GKAP1: variants seen among roughly 807,000 people sequenced by gnomAD.
GKAP1 encodes the protein G kinase anchoring protein 1.
GKAP1 carries 31 observed loss-of-function variants against 56.7 expected under a neutral mutation model. The observed-to-expected ratio is 0.55, with a 90% CI of 0.41 to 0.74. The LOEUF (loss-of-function observed/expected upper bound fraction) is 0.74, where lower values mean the gene tolerates loss of function less well. GKAP1 is among the 30% of genes least tolerant of loss of function. GKAP1 has a pLI of 0.00. For synonymous variants in GKAP1, 151 were observed against 138.6 expected, an observed-to-expected ratio of 1.09 and a Z score of -0.63; for missense variants, 364 against 402.3, an observed-to-expected ratio of 0.90 and a Z score of 0.82.
Position 83,774,701 on chromosome 9 carries a change from C to CTTTTTTTTTTTTTTTTTTTT in GKAP1, c.585+5680_585+5681insAAAAAAAAAAAAAAAAAAAA, listed in dbSNP as rs1564199151. ...AGAAACTATCAATAAACAGAAACCC[C>CTTTTTTTTTTTTTTTTTTTT]CTTTTTTTTTTTTTTTTTTTTTTTT... On this transcript the variant is annotated intron_variant, in intron 7 of 12. Transcript: ENST00000376371. Among the ~76,000 whole-genome samples the CTTTTTTTTTTTTTTTTTTTT allele has an allele frequency of 2.0e-5, 2 of 100,942 alleles. 1 individual carries two copies. The allele number at this position is 100,942 out of a possible 152,430, so 66.2% of individuals were successfully genotyped here.
intron 3 of GKAP1, among the ~76,000 whole-genome samples, chr9:83,802,671 A>T (rs1477006710): frequency 6.6e-6 from 1 of 151,740 alleles, no homozygotes; most frequent in Non-Finnish European, 1.5e-5. Flanking sequence ...TCTACAAAAA[A>T]ACAAAATTAG....
chr9:83,772,793 G>T (rs1308676723), intron 7 of GKAP1, among the ~76,000 whole-genome samples: 2 of 152,116 alleles, frequency 1.3e-5, no homozygotes, highest in African/African-American at 2.4e-5. Flanking sequence ...GATATTTCCA[G>T]AAGATATAAG....
At chr9:83,764,316 C>G (rs1943625135) in intron 8 of GKAP1, among the ~76,000 whole-genome samples, 1 of 152,062 alleles carries the variant, frequency 6.6e-6, no homozygotes, top group Non-Finnish European at 1.5e-5. Flanking sequence ...TGATGGTTTC[C>G]TAAGGGGCTT....
chr9:83,748,449 G>C (rs922193277), intron 9 of GKAP1, 77 bp from the exon 10 acceptor site: 3 of 788,132 alleles, frequency 3.8e-6, no homozygotes, highest in Non-Finnish European at 6.2e-6. Context: ...AACTTACAGA[G>C]CTCTGAATTC....
At chr9:83,778,421 T>C (rs1052634336) in intron 7 of GKAP1, among the ~76,000 whole-genome samples, 2 of 152,138 alleles carry the variant, frequency 1.3e-5, no homozygotes, top group Admixed American at 1.3e-4. Context: ...TGGATGCCAT[T>C]ATCCTTAACA....
rs574310187 is a variant in GKAP1, at chr9:83,795,081, G to A, written c.360+4104C>T. ...TGAGGTAGGAGAATCGCTTGAATCC[G>A]GGAGGCGGAGGTCACAGTGAGCCGA... On this transcript the variant is annotated intron_variant, in intron 4 of 12. Transcript: ENST00000376371. Among the ~76,000 whole-genome samples, 97 of 151,186 alleles carry A rather than the reference G, an allele frequency of 6.4e-4. 3 individuals carry two copies. In the Middle Eastern group the frequency reaches 0.014, roughly 21 times the overall value.
At chr9:83,753,237 C>T in intron 9 of GKAP1, 21 bp downstream of exon 9, 1 of 1,365,610 alleles carries the variant, frequency 7.3e-7, no homozygotes, top group Non-Finnish European at 1.0e-6. Flanking sequence ...TTTTCTTTAA[C>T]AACAGTAAAT....
chr9:83,803,397 C>T (rs992390673), intron 3 of GKAP1, among the ~76,000 whole-genome samples: 7 of 152,090 alleles, frequency 4.6e-5, no homozygotes, highest in South Asian at 2.1e-4. Flanking sequence ...CGATTGCAGG[C>T]GTGTGCCACC....
chr9:83,749,429 G>T (rs912010696), intron 9 of GKAP1, among the ~76,000 whole-genome samples: 1 of 152,004 alleles, frequency 6.6e-6, no homozygotes, highest in South Asian at 2.1e-4. Context: ...GTTTTACCAC[G>T]TTGGCCAGGC....
chr9:83,758,086 T>TTG (rs1000191189), intron 8 of GKAP1, among the ~76,000 whole-genome samples: 1 of 152,142 alleles, frequency 6.6e-6, no homozygotes, highest in African/African-American at 2.4e-5. Context: ...CTACCTAGCG[T>TTG]TGGTGCAGTT....
intron 10 of GKAP1, among the ~76,000 whole-genome samples, chr9:83,746,257 C>T (rs1943291561): frequency 6.6e-6 from 1 of 152,136 alleles, no homozygotes. Context: ...TTTGTTTGGA[C>T]AGTTATATTC....
chr9:83,817,757 G>A lies in GKAP1; in HGVS notation c.-416C>T, dbSNP rs1446377224. ...GCGCGGCTGCAGGCTGCGGTGAGGG[G>A]CGGGGAGAGCGCGGCTGAGAGCAGG... On this transcript the variant is annotated 5_prime_UTR_variant, in exon 1 of 13. Coordinates refer to ENST00000376371, the MANE Select transcript of GKAP1 (RefSeq NM_025211.4). 1.3e-5 allele frequency: 2 copies of A among 152,342 alleles called. No homozygotes were observed. Among genetic ancestry groups the A allele is most frequent in the Non-Finnish European group, 2.9e-5 (2 of 68,362 alleles). The allele number at this position is 152,342 out of a possible 1,614,324, so 9.4% of individuals were successfully genotyped here.
chr9:83,787,641 T>C (rs1564205718), intron 5 of GKAP1, among the ~76,000 whole-genome samples: 1 of 152,148 alleles, frequency 6.6e-6, no homozygotes, highest in Non-Finnish European at 1.5e-5. Context: ...TGAACAAATG[T>C]TATAAACCAA....
chr9:83,812,290 C>T lies in GKAP1; in HGVS notation c.-44+4706G>A, dbSNP rs28666456. ...ATACACATATATATACACATATATA[C>T]GTATATATATACGTATACATATATA... On this transcript the variant is annotated intron_variant, in intron 2 of 12. Transcript: ENST00000376371. Among the ~76,000 whole-genome samples, 30 of 144,576 alleles carry T rather than the reference C, an allele frequency of 2.1e-4. 1 individual carries two copies. The East Asian group carries it at 4.0e-3, about 19-fold the overall frequency. The allele number at this position is 144,576 out of a possible 152,430, so 94.8% of individuals were successfully genotyped here. A position where few individuals can be genotyped will look rare whatever the true frequency, so the allele number is the denominator to read the frequency against.
At chr9:83,798,671 G>A (rs1944285135) in intron 4 of GKAP1, among the ~76,000 whole-genome samples, 1 of 151,998 alleles carries the variant, frequency 6.6e-6, no homozygotes, top group Admixed American at 6.6e-5. Context: ...GCGCCTCCAT[G>A]CCCGGCTAAT....
intron 10 of GKAP1, among the ~76,000 whole-genome samples, chr9:83,745,263 G>A (rs941543017): frequency 3.9e-5 from 6 of 152,102 alleles, no homozygotes; most frequent in Admixed American, 2.6e-4. Context: ...CAAACTCCTG[G>A]GCTCAAGCGA....
At chr9:83,783,020 C>A (rs1484829582) in intron 6 of GKAP1, among the ~76,000 whole-genome samples, 2 of 152,166 alleles carry the variant, frequency 1.3e-5, no homozygotes, top group East Asian at 3.9e-4. Context: ...CAAAACAAAG[C>A]AACTTAATCA....
At chr9:83,761,302 T>C (rs1170214976) in intron 8 of GKAP1, among the ~76,000 whole-genome samples, 5 of 152,094 alleles carry the variant, frequency 3.3e-5, no homozygotes, top group Middle Eastern at 3.2e-3. Flanking sequence ...AGCAACTATA[T>C]GCCAATAAAT....
At chr9:83,771,207 C>T (rs1008181955) in intron 7 of GKAP1, among the ~76,000 whole-genome samples, 1 of 151,208 alleles carries the variant, frequency 6.6e-6, no homozygotes, top group Non-Finnish European at 1.5e-5. Flanking sequence ...GGATTACAGG[C>T]ACATGCCACC....
Sources: gnomAD v4.1 joint callset for allele counts (sites outside exome capture counted in the v4.1 genomes callset) on GRCh38, gnomAD v4.1.1 for gene constraint, MANE v1.5 for transcripts, NCBI Gene and HGNC (gene_info 2026-07-23, HGNC 2026-07-21) for gene names.